ZFHX3: variants seen among roughly 807,000 people sequenced by gnomAD.
The protein encoded by ZFHX3 is zinc finger homeobox protein 3.
A neutral mutation model predicts 279.1 loss-of-function variants in ZFHX3; 42 were observed. The observed-to-expected ratio is 0.15, with a 90% confidence interval of 0.12 to 0.19. The LOEUF (loss-of-function observed/expected upper bound fraction) is 0.19, where lower values mean the gene tolerates loss of function less well. ZFHX3 is among the 10% of genes least tolerant of loss of function. The pLI, the probability that ZFHX3 is intolerant of heterozygous loss-of-function variation, is 1.00. For synonymous variants in ZFHX3, 2,293 were observed against 1,957.8 expected, an observed-to-expected ratio of 1.17 and a Z score of -4.52; for missense variants, 4,981 against 4,754.0, an observed-to-expected ratio of 1.05 and a Z score of -1.40.
rs571187845 is a variant in ZFHX3, at chr16:73,450,848, C to T, written c.-1291+5155G>A. Reference sequence around the variant, plus strand: ...TTTCTCCTAATAGTACTATGATTCCCATTTCTGCATTTTCTTATTAATGTA... The same window carrying T: ...TTTCTCCTAATAGTACTATGATTCCTATTTCTGCATTTTCTTATTAATGTA... On this transcript the variant is annotated intron_variant, in intron 3 of 17. Transcript: ENST00000641206. Among the ~76,000 whole-genome samples the T allele has an allele frequency of 2.0e-5, 3 of 152,300 alleles. No homozygotes were observed. In the South Asian group the frequency reaches 6.2e-4, roughly 32 times the overall value.
At chr16:72,801,503 T>C (rs563322009) in intron 7 of ZFHX3, among the ~76,000 whole-genome samples, 56 of 152,238 alleles carry the variant, frequency 3.7e-4, no homozygotes, top group African/African-American at 1.2e-3. Flanking sequence ...CCCATCAACA[T>C]AGGATAACTC....
chr16:73,118,802 T>C (rs1340120408), intron 7 of ZFHX3, among the ~76,000 whole-genome samples: 1 of 152,162 alleles, frequency 6.6e-6, no homozygotes, highest in Non-Finnish European at 1.5e-5. Context: ...ACATGTTGAG[T>C]AGCCAAAGGG....
intron 5 of ZFHX3, among the ~76,000 whole-genome samples, chr16:73,186,669 A>T (rs1967917457): frequency 6.6e-6 from 1 of 150,950 alleles, no homozygotes; most frequent in Non-Finnish European, 1.5e-5. Context: ...TCGCATTTCG[A>T]TGTTTCATCC....
intron 3 of ZFHX3, among the ~76,000 whole-genome samples, chr16:72,918,885 A>G (rs2039512593): frequency 6.6e-6 from 1 of 151,872 alleles, no homozygotes; most frequent in African/African-American, 2.4e-5. Context: ...TTTAGTAGAA[A>G]TGGGGTTTCA....
chr16:73,735,709 G>A (rs2142254282), intron 1 of ZFHX3, among the ~76,000 whole-genome samples: 1 of 152,186 alleles, frequency 6.6e-6, no homozygotes, highest in South Asian at 2.1e-4. Flanking sequence ...TCTGTTACAT[G>A]CATGCCTCCC....
intron 2 of ZFHX3, among the ~76,000 whole-genome samples, chr16:73,670,877 T>C (rs2052897973): frequency 6.6e-6 from 1 of 152,230 alleles, no homozygotes; most frequent in South Asian, 2.1e-4. Context: ...GGTTAGCTTT[T>C]ATTGAAAATT....
In ZFHX3 at chr16:72,797,486, TTGC is replaced by T. The variant is rs759114423; in HGVS notation, c.5193_5195del (p.Gln1741del). 7 of 1,610,858 alleles carry T rather than the reference TTGC, an allele frequency of 4.3e-6. No homozygotes were observed. The highest frequency in any genetic ancestry group is 3.4e-5 in the Admixed American group (2 of 59,646). On this transcript the variant is annotated inframe_deletion, in exon 9 of 10. Coordinates refer to ENST00000268489, the MANE Select transcript of ZFHX3 (RefSeq NM_006885.4). ...GTTGTTGTTGTTGTTGTTGTTGTTG[TTGC>T]TGTTGCTGCTGCTGTTGTTGCTGCT...
At chr16:73,153,533 C>T (rs966351254) in intron 5 of ZFHX3, among the ~76,000 whole-genome samples, 1 of 152,190 alleles carries the variant, frequency 6.6e-6, no homozygotes, top group Admixed American at 6.5e-5. Context: ...TTGTGTGAGC[C>T]CTAAAGGCTG....
At chr16:73,864,238 G>A (rs1006679296) in intron 1 of ZFHX3, among the ~76,000 whole-genome samples, 1 of 152,134 alleles carries the variant, frequency 6.6e-6, no homozygotes, top group African/African-American at 2.4e-5. Context: ...GATTTCTATA[G>A]CCTCCTCCAG....
intron 1 of ZFHX3, among the ~76,000 whole-genome samples, chr16:73,846,000 T>C (rs573026997): frequency 1.3e-5 from 2 of 152,244 alleles, no homozygotes; most frequent in Non-Finnish European, 1.5e-5. Context: ...GGTCTTACCA[T>C]ATTGCCCAGG....
At chr16:72,911,720 T>G (rs1478298446) in intron 3 of ZFHX3, among the ~76,000 whole-genome samples, 3 of 152,256 alleles carry the variant, frequency 2.0e-5, no homozygotes, top group African/African-American at 4.8e-5. Flanking sequence ...ACATTTCAAG[T>G]GCTCGATGGC....
chr16:73,185,389 G>T (rs572771425), intron 5 of ZFHX3, among the ~76,000 whole-genome samples: 11 of 152,292 alleles, frequency 7.2e-5, no homozygotes, highest in African/African-American at 2.6e-4. Context: ...TTTGTCCAAC[G>T]TTGCACAGCT....
chr16:72,874,523 A>C (rs1240799253), intron 4 of ZFHX3, among the ~76,000 whole-genome samples: 1 of 151,670 alleles, frequency 6.6e-6, no homozygotes, highest in Non-Finnish European at 1.5e-5. Context: ...TCTTTAGACC[A>C]TGAGGAGGCA....
chr16:72,870,894 T>C (rs1268847968), intron 4 of ZFHX3, among the ~76,000 whole-genome samples: 1 of 152,216 alleles, frequency 6.6e-6, no homozygotes, highest in Non-Finnish European at 1.5e-5. Context: ...TCTGTGGTTA[T>C]GTAAAATATC....
intron 3 of ZFHX3, among the ~76,000 whole-genome samples, chr16:72,896,698 T>C (rs976821944): frequency 6.6e-6 from 1 of 152,222 alleles, no homozygotes; most frequent in Non-Finnish European, 1.5e-5. Flanking sequence ...AACCAACTTC[T>C]GTCAGAGAAC....
At chr16:73,265,125 C>T (rs2013940418) in intron 4 of ZFHX3, among the ~76,000 whole-genome samples, 1 of 143,168 alleles carries the variant, frequency 7.0e-6, no homozygotes. Context: ...AACAGTTTAT[C>T]TACTTGTTGA....
intron 2 of ZFHX3, among the ~76,000 whole-genome samples, chr16:73,648,289 A>C (rs2052639111): frequency 6.6e-6 from 1 of 152,244 alleles, no homozygotes; most frequent in Non-Finnish European, 1.5e-5. Flanking sequence ...AGAGAGATTA[A>C]ATGATTTGTC....
intron 2 of ZFHX3, among the ~76,000 whole-genome samples, chr16:73,563,358 G>A (rs552291478): frequency 6.6e-6 from 1 of 151,374 alleles, no homozygotes; most frequent in East Asian, 1.9e-4. Flanking sequence ...CTGCCTCCAC[G>A]CCATTCTCCT....
intron 1 of ZFHX3, among the ~76,000 whole-genome samples, chr16:73,790,098 A>G (rs562795740): frequency 9.9e-5 from 15 of 152,236 alleles, no homozygotes; most frequent in African/African-American, 3.6e-4. Context: ...TCATTGTAGG[A>G]CCAAACTTAG....
Sources: allele counts gnomAD v4.1 joint callset (sites outside exome capture counted in the v4.1 genomes callset), GRCh38; gene constraint gnomAD v4.1.1; transcripts MANE v1.5; gene names NCBI Gene and HGNC (gene_info 2026-07-23, HGNC 2026-07-21).